SEC23B: variants seen among roughly 807,000 people sequenced by gnomAD.
SEC23B encodes the protein SEC23 homolog B, COPII component, also known as protein transport protein Sec23B.
Under a neutral mutation model 104.3 loss-of-function variants are expected in SEC23B, and 77 were observed. The ratio of observed to expected loss-of-function variants is 0.74; its 90% CI spans 0.61 to 0.89. The LOEUF (loss-of-function observed/expected upper bound fraction) is 0.89. SEC23B is among the 40% of genes least tolerant of loss of function. SEC23B has a pLI of 0.00. For missense variants in SEC23B, 885 were observed against 949.4 expected, an observed-to-expected ratio of 0.93 and a Z score of 0.89; for synonymous variants, 338 against 332.5, an observed-to-expected ratio of 1.02 and a Z score of -0.18.
At chr20:18,517,540 A>G (rs1007647881) in intron 4 of SEC23B, among the ~76,000 whole-genome samples, 1 of 152,208 alleles carries the variant, frequency 6.6e-6, no homozygotes, top group Non-Finnish European at 1.5e-5. Context: ...GCTTGGGTTC[A>G]GAGGCCTGAC....
At chr20:18,510,224 T>A (rs2059969544) in intron 1 of SEC23B, among the ~76,000 whole-genome samples, 1 of 152,186 alleles carries the variant, frequency 6.6e-6, no homozygotes, top group African/African-American at 2.4e-5. Flanking sequence ...GAAATTGGCT[T>A]GACTGATAGG....
intron 11 of SEC23B, among the ~76,000 whole-genome samples, chr20:18,534,566 G>A (rs979765295): frequency 6.6e-5 from 10 of 152,304 alleles, no homozygotes; most frequent in African/African-American, 2.4e-4. Context: ...CTGCCCCACT[G>A]CCTTTCTACT....
chr20:18,554,973 TAATTAGATTA>T lies in SEC23B; in HGVS notation c.2149-134_2149-125del. ...AGATTACTGTGCAGTAAAACAATTC[TAATTAGATTA>T]CTGTGCAGTAAAACAATTCTAATTT... On this transcript the variant is annotated intron_variant, in intron 18 of 19. Coordinates refer to ENST00000650089, the MANE Select transcript of SEC23B (RefSeq NM_006363.6). 1.9e-4 allele frequency: 13 copies of T among 69,776 alleles called. 1 individual carries two copies. The highest frequency in any genetic ancestry group is 4.2e-4 in the South Asian group (2 of 4,732). The allele number at this position is 69,776 out of a possible 1,614,324, so 4.3% of individuals were successfully genotyped here. A position where few individuals can be genotyped will look rare whatever the true frequency, so the allele number is the denominator to read the frequency against.
At chr20:18,554,196 A>G in intron 17 of SEC23B, 39 bp from the exon 18 acceptor site, 9 of 1,613,034 alleles carry the variant, frequency 5.6e-6, no homozygotes, top group Non-Finnish European at 7.6e-6. Context: ...CTGTTATTAC[A>G]GTTTCCACAA....
At chr20:18,545,909 C>T in intron 14 of SEC23B, 47 bp from the exon 15 acceptor site, 1 of 1,115,914 alleles carries the variant, frequency 9.0e-7, no homozygotes, top group Non-Finnish European at 1.4e-6. Flanking sequence ...ATTTTTCTCT[C>T]TCTTTTTGTG....
At position 18,554,961 on chromosome 20, in the gene SEC23B, GTAAAA is replaced by G; in HGVS notation, c.2149-146_2149-142del. The G allele has an allele frequency of 4.0e-5, 5 of 124,156 alleles. 2 individuals carry two copies. Among genetic ancestry groups the G allele is most frequent in the Non-Finnish European group, 5.5e-5 (3 of 54,928 alleles). 7.7% of individuals were successfully genotyped at this position (124,156 alleles called of 1,614,324 possible). ...AGCTAAAGAAATAGATTACTGTGCA[GTAAAA>G]CAATTCTAATTAGATTACTGTGCAG... is the stretch of plus-strand genomic sequence containing the variant. On this transcript the variant is annotated intron_variant, in intron 18 of 19. Coordinates refer to ENST00000650089, the MANE Select transcript of SEC23B (RefSeq NM_006363.6).
chr20:18,530,849 C>T (rs761479651), intron 10 of SEC23B, 46 bp downstream of exon 10: 47 of 1,505,470 alleles, frequency 3.1e-5, no homozygotes, highest in Non-Finnish European at 4.0e-5. Flanking sequence ...ACTGTACTGC[C>T]CAGGCTGGTC....
In SEC23B at chr20:18,561,055, T is replaced by TA. The variant is rs397793825; in HGVS notation, c.*318dup. On this transcript the variant is annotated 3_prime_UTR_variant, in exon 20 of 20. Coordinates refer to ENST00000650089, the MANE Select transcript of SEC23B (RefSeq NM_006363.6). ...GTTTAGGTGAGAATCTTAATGATCA[T>TA]AAAGGAAATAAATCTAGATGCAGAA... 0.39 allele frequency: 136,748 copies of TA among 352,810 alleles called. 27,833 individuals carry two copies. The highest frequency in any genetic ancestry group is 0.44 in the South Asian group (17,320 of 39,686). 21.9% of individuals were successfully genotyped at this position (352,810 alleles called of 1,614,324 possible).
intron 12 of SEC23B, among the ~76,000 whole-genome samples, chr20:18,538,249 CTTTTTTTTTTT>C: frequency 8.7e-6 from 1 of 114,628 alleles, no homozygotes; most frequent in East Asian, 2.5e-4. Flanking sequence ...CTGGGAATTT[CTTTTTTTTTTT>C]TTTTTTTGAG....
chr20:18,527,345 T>C, intron 8 of SEC23B, 151 bp from the exon 9 acceptor site: 1 of 690,234 alleles, frequency 1.4e-6, no homozygotes, highest in Non-Finnish European at 2.6e-6. Context: ...ACCACTGCAC[T>C]CTAGCCTGGG....
rs150263014 is a variant in SEC23B at position 18,512,238 on chromosome 20, C to G, written c.235C>G (p.Arg79Gly). Reference protein sequence around the residue: ...VLNPLCQVDYRAKLWACNFCF... With the variant: ...VLNPLCQVDYGAKLWACNFCF... ...TCTTTCTCACAGTCAGGTTGATTATCGAGCAAAACTTTGGGCCTGTAATTT... is the reference window on the plus strand; with the variant it reads ...TCTTTCTCACAGTCAGGTTGATTATGGAGCAAAACTTTGGGCCTGTAATTT... The change falls in exon 3 of 20, where the codon CGA (arginine) becomes GGA (glycine). Residue 79 changes from arginine to glycine, a missense_variant. Arg to Gly is a moderately radical substitution (Grantham distance 125, BLOSUM62 -2). Coordinates refer to ENST00000650089, the MANE Select transcript of SEC23B (RefSeq NM_006363.6). 4 of 1,589,996 alleles carry G rather than the reference C, an allele frequency of 2.5e-6. No homozygotes were observed. The Admixed American group carries it at 6.7e-5, about 27-fold the overall frequency.
Position 18,525,781 on chromosome 20 carries a change from C to T in SEC23B, c.690-7C>T. The T allele has an allele frequency of 1.2e-6, 2 of 1,614,174 alleles. No homozygotes were observed. On this transcript the variant is annotated splice_polypyrimidine_tract_variant and splice_region_variant and intron_variant, in intron 6 of 19. Coordinates refer to ENST00000650089, the MANE Select transcript of SEC23B (RefSeq NM_006363.6). ...TCTGGGTTGATGTGTCTGTTAAAAT[C>T]TTGCAGATTTCTGCAGCCTGTTCAC...
At chr20:18,547,993 C>G (rs566864667) in intron 15 of SEC23B, among the ~76,000 whole-genome samples, 1 of 151,610 alleles carries the variant, frequency 6.6e-6, no homozygotes, top group South Asian at 2.1e-4. Context: ...CTCTTGTTGC[C>G]CAGGCTGGAG....
intron 4 of SEC23B, among the ~76,000 whole-genome samples, chr20:18,517,427 G>A (rs1435850058): frequency 6.6e-6 from 1 of 152,152 alleles, no homozygotes; most frequent in Non-Finnish European, 1.5e-5. Context: ...AATCACAGGT[G>A]GAATGTCATC....
chr20:18,539,357 A>G (rs2060266642), intron 12 of SEC23B, among the ~76,000 whole-genome samples: 1 of 151,414 alleles, frequency 6.6e-6, no homozygotes, highest in South Asian at 2.1e-4. Context: ...TACAAAAAAC[A>G]AAATTAGCTG....
At chr20:18,542,173 C>A in intron 12 of SEC23B, 123 bp from the exon 13 acceptor site, 2 of 881,470 alleles carry the variant, frequency 2.3e-6, no homozygotes, top group South Asian at 2.6e-5. Context: ...GTGTGCCCTT[C>A]AAAATGTGTC....
chr20:18,518,559 T>A (rs2042729171), intron 4 of SEC23B, among the ~76,000 whole-genome samples: 2 of 145,662 alleles, frequency 1.4e-5, no homozygotes, highest in East Asian at 2.1e-4. Flanking sequence ...CAGAATAGAA[T>A]GGGCCTGTGA....
chr20:18,552,688 C>A (rs1197971850), intron 17 of SEC23B, among the ~76,000 whole-genome samples: 1 of 152,002 alleles, frequency 6.6e-6, no homozygotes, highest in Non-Finnish European at 1.5e-5. Flanking sequence ...GTGGCAGACA[C>A]CTGTAATCCC....
chr20:18,544,049 C>T (rs1043626505), intron 14 of SEC23B, among the ~76,000 whole-genome samples: 1 of 152,180 alleles, frequency 6.6e-6, no homozygotes, highest in Non-Finnish European at 1.5e-5. Flanking sequence ...TCTCTACTGA[C>T]AACGCTTGAT....
Sources: allele counts gnomAD v4.1 joint callset (sites outside exome capture counted in the v4.1 genomes callset), GRCh38; gene constraint gnomAD v4.1.1; transcripts MANE v1.5; gene names NCBI Gene and HGNC (gene_info 2026-07-23, HGNC 2026-07-21).